Variants in ZBTB46 observed in about 807,000 individuals in gnomAD.
ZBTB46 encodes zinc finger and BTB domain-containing protein 46.
A neutral mutation model predicts 44.1 loss-of-function variants in ZBTB46; 8 were observed. The ratio of observed to expected loss-of-function variants is 0.18; its 90% confidence interval spans 0.11 to 0.33. ZBTB46 has a LOEUF of 0.33. Ranked by LOEUF, ZBTB46 falls within the 10% of genes least tolerant of loss-of-function variation. The pLI is 1.00. For synonymous variants in ZBTB46, 409 were observed against 382.3 expected (o/e 1.07, Z -0.81); for missense variants, 651 against 847.7 (o/e 0.77, Z 2.88).
chr20:63,790,750 T>C lies in ZBTB46; in HGVS notation c.8A>G (p.Asn3Ser), dbSNP rs559142585. 1.2e-6 allele frequency: 2 copies of C among 1,600,688 alleles called. No homozygotes were observed. The highest frequency in any genetic ancestry group is 2.7e-5 in the African/African-American group (2 of 74,910). MNNRKEDMEITSH... is the reference protein window; with the variant it reads MNSRKEDMEITSH... Reference sequence around the variant, plus strand: ...CGTGATTTCCATATCTTCCTTTCGGTTGTTCATTTGGAAGCCCTGGTGTCG... The same window carrying C: ...CGTGATTTCCATATCTTCCTTTCGGCTGTTCATTTGGAAGCCCTGGTGTCG... Residue 3 changes from asparagine (N) to serine (S), a missense_variant, in exon 2 of 5, where the codon AAC becomes AGC. Asn to Ser is a conservative substitution (Grantham distance 46). Coordinates refer to ENST00000245663, the MANE Select transcript of ZBTB46 (RefSeq NM_001369741.1).
intron 1 of ZBTB46, among the ~76,000 whole-genome samples, chr20:63,807,506 G>T (rs1040364474): frequency 1.3e-5 from 2 of 152,062 alleles, no homozygotes; most frequent in African/African-American, 4.8e-5. Flanking sequence ...CAGCATACCT[G>T]GCTAATTTTT....
intron 1 of ZBTB46, among the ~76,000 whole-genome samples, chr20:63,808,695 G>T (rs571914129): frequency 6.6e-6 from 1 of 152,216 alleles, no homozygotes; most frequent in African/African-American, 2.4e-5. Flanking sequence ...AATAAAACCA[G>T]CAGGCGCGGT....
At chr20:63,779,194 G>T (rs2092448619) in intron 2 of ZBTB46, among the ~76,000 whole-genome samples, 1 of 105,068 alleles carries the variant, frequency 9.5e-6, no homozygotes, top group Non-Finnish European at 2.2e-5. Flanking sequence ...CTCATAACAG[G>T]CTTCAAAAAA....
intron 3 of ZBTB46, among the ~76,000 whole-genome samples, chr20:63,770,763 C>T (rs999428725): frequency 2.6e-5 from 4 of 152,192 alleles, no homozygotes; most frequent in South Asian, 2.1e-4. Context: ...GATCCCCACC[C>T]GGCACCCCGT....
intron 1 of ZBTB46, among the ~76,000 whole-genome samples, chr20:63,792,664 C>T (rs11697546): frequency 0.24 from 36,740 of 152,006 alleles, 4,522 homozygotes; most frequent in Middle Eastern, 0.36. Context: ...TACAGACACC[C>T]GCCACCACGC....
intron 3 of ZBTB46, among the ~76,000 whole-genome samples, chr20:63,768,667 G>A (rs1244729644): frequency 1.3e-5 from 2 of 151,586 alleles, no homozygotes; most frequent in Non-Finnish European, 2.9e-5. Context: ...CTCCAGGGAG[G>A]TACACACCCC....
intron 2 of ZBTB46, among the ~76,000 whole-genome samples, chr20:63,781,747 G>A (rs567437033): frequency 6.6e-6 from 1 of 151,654 alleles, no homozygotes; most frequent in Non-Finnish European, 1.5e-5. Context: ...AGCCAAGATC[G>A]TGCCATTGCA....
At chr20:63,781,024 C>T (rs1313321400) in intron 2 of ZBTB46, among the ~76,000 whole-genome samples, 1 of 148,952 alleles carries the variant, frequency 6.7e-6, no homozygotes. Context: ...GCCTGTAATC[C>T]CAGCTATTCA....
intron 3 of ZBTB46, among the ~76,000 whole-genome samples, chr20:63,770,153 C>T (rs569632217): frequency 1.3e-5 from 2 of 152,360 alleles, no homozygotes; most frequent in Admixed American, 1.3e-4. Context: ...AGTCTCCTGT[C>T]CCCGGCCGAC....
chr20:63,811,673 C>T (rs546249354), intron 1 of ZBTB46, among the ~76,000 whole-genome samples: 14 of 152,118 alleles, frequency 9.2e-5, no homozygotes, highest in Admixed American at 1.3e-4. Context: ...ACGGGCCAGC[C>T]GGCTCACCTT....
At position 63,744,585 on chromosome 20, in the gene ZBTB46, A is replaced by G. The variant is rs993330231; in HGVS notation, c.*2345T>C. On this transcript the variant is annotated 3_prime_UTR_variant, in exon 5 of 5. Transcript: ENST00000245663. ...CGATTTAAAAAAAAATCAGTCACAT[A>G]AAAAAAACCCTTCATGACATGTCTT... is the stretch of plus-strand genomic sequence containing the variant. The G allele has an allele frequency of 2.0e-5, 3 of 152,152 alleles. No individual in the cohort carries two copies. Among genetic ancestry groups the G allele is most frequent in the African/African-American group, 7.3e-5 (3 of 41,338 alleles). The allele number at this position is 152,152 out of a possible 1,614,324, so 9.4% of individuals were successfully genotyped here. A position where few individuals can be genotyped will look rare whatever the true frequency, so the allele number is the denominator to read the frequency against.
chr20:63,789,890 T>G lies in ZBTB46; in HGVS notation c.868A>C (p.Ser290Arg), dbSNP rs762003940. ...RHITQQVEDDSRASSPVPSFL... is the reference protein window; with the variant it reads ...RHITQQVEDDRRASSPVPSFL... ...GACGGCACCGGGGAGCTGGCCCGGC[T>G]GTCATCTTCCACCTGCTGTGTGATG... The change falls in exon 2 of 5, where the codon AGC becomes CGC. Residue 290 changes from serine (S) to arginine (R), a missense_variant. Ser to Arg is a moderately radical substitution (Grantham distance 110). Transcript: ENST00000245663. The G allele has an allele frequency of 2.5e-6, 4 of 1,613,826 alleles. No homozygotes were observed. The South Asian group carries it at 4.4e-5, about 18-fold the overall frequency.
At chr20:63,768,717 C>G (rs2092341452) in intron 3 of ZBTB46, among the ~76,000 whole-genome samples, 1 of 152,098 alleles carries the variant, frequency 6.6e-6, no homozygotes, top group African/African-American at 2.4e-5. Context: ...CGACTTCAGG[C>G]ACAGGAAGGA....
chr20:63,749,299 G>A (rs2092135513), intron 4 of ZBTB46, among the ~76,000 whole-genome samples: 1 of 152,036 alleles, frequency 6.6e-6, no homozygotes, highest in Non-Finnish European at 1.5e-5. Flanking sequence ...ACAACTTGGT[G>A]CCAGAACTGC....
At chr20:63,796,334 T>A (rs1373540579) in intron 1 of ZBTB46, among the ~76,000 whole-genome samples, 1 of 152,226 alleles carries the variant, frequency 6.6e-6, no homozygotes, top group African/African-American at 2.4e-5. Context: ...TGGCAGCGCC[T>A]GGCACGCGGC....
chr20:63,748,916 C>CT (rs2092131643), intron 4 of ZBTB46, among the ~76,000 whole-genome samples: 1 of 152,230 alleles, frequency 6.6e-6, no homozygotes, highest in South Asian at 2.1e-4. Context: ...GCAAAGACCT[C>CT]TGACGGGCAG....
At chr20:63,768,195 G>C in intron 3 of ZBTB46, 2 of 848,512 alleles carry the variant, frequency 2.4e-6, no homozygotes, top group Non-Finnish European at 2.8e-6. Flanking sequence ...ATTAACACCT[G>C]CCACCAAAAC....
chr20:63,815,914 CAGGT>C (rs1372513682), intron 1 of ZBTB46, among the ~76,000 whole-genome samples: 1 of 145,264 alleles, frequency 6.9e-6, no homozygotes, highest in South Asian at 2.2e-4. Context: ...ACAGTGGACA[CAGGT>C]GGGCACAGGT....
rs911291808 is a variant in ZBTB46 at position 63,744,831 on chromosome 20, C to A, written c.*2099G>T. 6.6e-6 allele frequency: 1 copy of A among 152,412 alleles called. No homozygotes were observed. Among genetic ancestry groups the A allele is most frequent in the Non-Finnish European group, 1.5e-5 (1 of 68,082 alleles). 9.4% of individuals were successfully genotyped at this position (152,412 alleles called of 1,614,324 possible). ...GGCAGGCCACACGGAGTGAGCCGGC[C>A]AGATGGAGCAGGACATCCTGAGTGT... On this transcript the variant is annotated 3_prime_UTR_variant, in exon 5 of 5. Transcript: ENST00000245663.
Sources: gnomAD v4.1 joint callset for allele counts (sites outside exome capture counted in the v4.1 genomes callset) on GRCh38, gnomAD v4.1.1 for gene constraint, MANE v1.5 for transcripts, NCBI Gene and HGNC (gene_info 2026-07-23, HGNC 2026-07-21) for gene names.